Variants in DOCK7 observed in about 807,000 individuals in gnomAD.
The protein encoded by DOCK7 is dedicator of cytokinesis 7.
Under a neutral mutation model 271.0 loss-of-function variants are expected in DOCK7, and 138 were observed. The ratio of observed to expected loss-of-function variants is 0.51; its 90% CI spans 0.44 to 0.59. DOCK7 has a LOEUF of 0.59. Among genes scored for constraint, DOCK7 ranks in the 20% least tolerant of loss-of-function variants. The pLI, the probability that DOCK7 is intolerant of heterozygous loss-of-function variation, is 0.00. For synonymous variants in DOCK7, 823 were observed against 876.1 expected (o/e 0.94, Z 1.07); for missense variants, 2,066 against 2,592.4 (o/e 0.80, Z 4.41).
intron 18 of DOCK7, among the ~76,000 whole-genome samples, chr1:62,568,467 ATT>A (rs35786798): frequency 0.011 from 1,488 of 140,382 alleles, 8 homozygotes; most frequent in African/African-American, 0.021. Flanking sequence ...TGCCAGGCTA[ATT>A]TTTTTTTTTT....
chr1:62,498,104 T>A (rs1291590037), intron 37 of DOCK7, among the ~76,000 whole-genome samples: 3 of 151,708 alleles, frequency 2.0e-5, no homozygotes, highest in Non-Finnish European at 4.4e-5. Flanking sequence ...ATTAGCTAGA[T>A]GTAGTGGTAC....
At chr1:62,604,640 G>GT in intron 14 of DOCK7, 3 of 1,613,036 alleles carry the variant, frequency 1.9e-6, no homozygotes, top group Non-Finnish European at 8.5e-7. Flanking sequence ...TAGGAGGCTG[G>GT]TGGTGGCATG....
chr1:62,458,207 AC>A (rs1645407062), intron 48 of DOCK7: 1 of 154,208 alleles, frequency 6.5e-6, no homozygotes, highest in Non-Finnish European at 1.4e-5. Flanking sequence ...AGATTGCATC[AC>A]TGCACTCCAG....
At chr1:62,593,438 G>A (rs1400608609) in intron 14 of DOCK7, among the ~76,000 whole-genome samples, 2 of 151,960 alleles carry the variant, frequency 1.3e-5, no homozygotes, top group African/African-American at 2.4e-5. Flanking sequence ...GGCTTGGTTG[G>A]GGGTGCCTGT....
At chr1:62,556,088 T>A in intron 20 of DOCK7, 99 bp from the exon 21 acceptor site, 1 of 1,181,276 alleles carries the variant, frequency 8.5e-7, no homozygotes, top group Non-Finnish European at 1.2e-6. Context: ...ACTTTAAGTA[T>A]AGTGACTACA....
At chr1:62,596,102 T>C (rs1649199127) in intron 14 of DOCK7, among the ~76,000 whole-genome samples, 1 of 152,210 alleles carries the variant, frequency 6.6e-6, no homozygotes, top group Admixed American at 6.5e-5. Context: ...GGTTAAAAGT[T>C]AGTTTCATGT....
At chr1:62,476,874 A>T (rs1248730684) in intron 44 of DOCK7, 1 of 152,244 alleles carries the variant, frequency 6.6e-6, no homozygotes, top group Non-Finnish European at 1.5e-5. Context: ...AAAAATAAAA[A>T]GTCACAGTTT....
chr1:62,494,943 A>G (rs1288111344), intron 39 of DOCK7: 1 of 153,106 alleles, frequency 6.5e-6, no homozygotes, highest in African/African-American at 2.4e-5. Flanking sequence ...TATTGTATCT[A>G]TTAAGGTGTT....
rs569826236 is a variant in DOCK7 at position 62,583,394 on chromosome 1, A to G, written c.1801-140T>C. The G allele has an allele frequency of 1.1e-4, 69 of 630,460 alleles. No homozygotes were observed. In the African/African-American group the frequency reaches 1.1e-3, roughly 10 times the overall value. The allele number at this position is 630,460 out of a possible 1,614,324, so 39.1% of individuals were successfully genotyped here. On this transcript the variant is annotated intron_variant, in intron 15 of 49. Transcript: ENST00000635253. Reference sequence around the variant, plus strand: ...CCAATGAAGAACAATGTGCCTACTGACGTTCATCAAAAAGTTCAATTGCTT... The same window carrying G: ...CCAATGAAGAACAATGTGCCTACTGGCGTTCATCAAAAAGTTCAATTGCTT...
intron 31 of DOCK7, among the ~76,000 whole-genome samples, chr1:62,526,721 C>T (rs1041008141): frequency 1.3e-5 from 2 of 151,976 alleles, no homozygotes; most frequent in Admixed American, 6.6e-5. Flanking sequence ...TGTATCAATA[C>T]AATGGAATAC....
chr1:62,618,648 T>C, intron 14 of DOCK7, 58 bp downstream of exon 14: 6 of 1,449,034 alleles, frequency 4.1e-6, no homozygotes, highest in South Asian at 2.4e-5. Flanking sequence ...AGTTATACTT[T>C]AATATTTTAG....
chr1:62,587,813 G>C lies in DOCK7; in HGVS notation c.1683-1189C>G, dbSNP rs552333039. Reference sequence around the variant, plus strand: ...TATTTGTGGAAAACTCTGTGTGGGGGTGTGGGGGAAGGTAGAGAGACAGAG... The same window carrying C: ...TATTTGTGGAAAACTCTGTGTGGGGCTGTGGGGGAAGGTAGAGAGACAGAG... On this transcript the variant is annotated intron_variant, in intron 14 of 49. Transcript: ENST00000635253. 9.9e-5 allele frequency among the ~76,000 whole-genome samples: 15 copies of C among 152,228 alleles called. No homozygotes were observed. The South Asian group carries it at 3.1e-3, about 32-fold the overall frequency.
intron 2 of DOCK7, among the ~76,000 whole-genome samples, chr1:62,655,799 A>G (rs1657951135): frequency 6.6e-6 from 1 of 152,226 alleles, no homozygotes; most frequent in Non-Finnish European, 1.5e-5. Flanking sequence ...GATAGTAGTT[A>G]TTTATCATTA....
At chr1:62,478,649 G>C (rs1259263257) in intron 43 of DOCK7, 1 of 152,118 alleles carries the variant, frequency 6.6e-6, no homozygotes, top group Admixed American at 6.6e-5. Context: ...CTGGCCTCAG[G>C]TGATCTACCC....
chr1:62,639,031 A>C (rs141430584), intron 7 of DOCK7, among the ~76,000 whole-genome samples: 134 of 152,300 alleles, frequency 8.8e-4, no homozygotes, highest in Non-Finnish European at 1.3e-3. Flanking sequence ...TAAAGTGGGA[A>C]TATATCAAGT....
At chr1:62,517,382 A>G (rs1571368939) in intron 31 of DOCK7, among the ~76,000 whole-genome samples, 1 of 152,096 alleles carries the variant, frequency 6.6e-6, no homozygotes. Context: ...GATCACCTGA[A>G]GTCAGGAGTT....
At chr1:62,553,900 G>A (rs1646046132) in intron 21 of DOCK7, among the ~76,000 whole-genome samples, 1 of 151,284 alleles carries the variant, frequency 6.6e-6, no homozygotes, top group Admixed American at 6.6e-5. Context: ...CGGTATAGTT[G>A]GTATTTCGGA....
At chr1:62,557,060 CT>C (rs1260311952) in intron 20 of DOCK7, among the ~76,000 whole-genome samples, 1 of 93,596 alleles carries the variant, frequency 1.1e-5, no homozygotes, top group Non-Finnish European at 2.0e-5. Context: ...TTTTCTTTTT[CT>C]TTTCTTTTTT....
Position 62,560,860 on chromosome 1 carries a change from C to T in DOCK7, c.2199+757G>A, listed in dbSNP as rs1008336151. 2.6e-5 allele frequency among the ~76,000 whole-genome samples: 4 copies of T among 152,172 alleles called. No individual in the cohort carries two copies. In the East Asian group the frequency reaches 5.8e-4, roughly 22 times the overall value. ...TGTACTAATTTTATCATACTTTTTACACTTTCCCATATTACACTGTAAGGT... is the reference window on the plus strand; with the variant it reads ...TGTACTAATTTTATCATACTTTTTATACTTTCCCATATTACACTGTAAGGT... On this transcript the variant is annotated intron_variant, in intron 19 of 49. Transcript: ENST00000635253.
Sources: allele counts gnomAD v4.1 joint callset (sites outside exome capture counted in the v4.1 genomes callset), GRCh38; gene constraint gnomAD v4.1.1; transcripts MANE v1.5; gene names NCBI Gene and HGNC (gene_info 2026-07-23, HGNC 2026-07-21).